Variants in COX10 observed in about 807,000 individuals in gnomAD.
COX10 encodes cytochrome c oxidase assembly factor heme A:farnesyltransferase COX10.
In COX10, 27 loss-of-function variants were observed where a neutral mutation model predicts 37.3. The observed-to-expected ratio is 0.72, with a 90% CI of 0.53 to 1.00. The LOEUF (loss-of-function observed/expected upper bound fraction) is 1.00, where lower values mean the gene tolerates loss of function less well. COX10 is among the 50% of genes least tolerant of loss of function. The pLI is 0.00. For missense variants in COX10, 475 were observed against 563.2 expected (o/e 0.84, Z 1.59); for synonymous variants, 222 against 229.1 (o/e 0.97, Z 0.28).
intron 4 of COX10, among the ~76,000 whole-genome samples, chr17:14,108,771 G>A (rs1405387970): frequency 6.6e-6 from 1 of 152,014 alleles, no homozygotes; most frequent in East Asian, 1.9e-4. Context: ...AGGAAAAACA[G>A]GTAAAGATTT....
chr17:14,129,100 C>T (rs1241681515), intron 4 of COX10, among the ~76,000 whole-genome samples: 1 of 151,358 alleles, frequency 6.6e-6, no homozygotes. Context: ...CCCGCCTTGG[C>T]CTCCCAAAGT....
chr17:14,112,043 G>A (rs537002042), intron 4 of COX10, among the ~76,000 whole-genome samples: 16 of 152,194 alleles, frequency 1.1e-4, no homozygotes, highest in African/African-American at 3.9e-4. Flanking sequence ...CTGATTGAGC[G>A]CGTGGCTGAA....
At position 14,102,381 on chromosome 17, in the gene COX10, T is replaced by C. The variant is rs574769830; in HGVS notation, c.624+139T>C. The C allele has an allele frequency of 1.4e-4, 191 of 1,319,082 alleles. 1 individual carries two copies. In the African/African-American group the frequency reaches 2.4e-3, roughly 17 times the overall value. The allele number at this position is 1,319,082 out of a possible 1,614,324, so 81.7% of individuals were successfully genotyped here. On this transcript the variant is annotated intron_variant, in intron 4 of 6. Transcript: ENST00000261643. ...ACACTATATATCCTATAGGAGCCTG[T>C]GGGTTTCATAACCAATTTGTCTTTT... is the stretch of plus-strand genomic sequence containing the variant.
At chr17:14,186,753 C>G (rs1449142221) in intron 5 of COX10, among the ~76,000 whole-genome samples, 1 of 152,026 alleles carries the variant, frequency 6.6e-6, no homozygotes, top group Admixed American at 6.5e-5. Flanking sequence ...CATCCCAACT[C>G]AAGACTCCAG....
intron 5 of COX10, among the ~76,000 whole-genome samples, chr17:14,166,785 CTTTTTTTTTTT>C (rs57127092): frequency 2.0e-5 from 2 of 100,260 alleles, no homozygotes; most frequent in South Asian, 7.3e-4. Flanking sequence ...CTATTTCTTT[CTTTTTTTTTTT>C]TTTTTTTTTT....
At chr17:14,105,562 T>C (rs1179431400) in intron 4 of COX10, among the ~76,000 whole-genome samples, 1 of 152,230 alleles carries the variant, frequency 6.6e-6, no homozygotes, top group Non-Finnish European at 1.5e-5. Context: ...GTATTCCTTC[T>C]ATTTCTATGT....
In COX10 at chr17:14,081,013, CTTGA is replaced by C. The variant is rs1455082548; in HGVS notation, c.499+3960_499+3963del. ...ATTATATTTCAGTGGAAGGAATAGGCTTGATTAAGAAAACTGCTGTGGTAGTACT... is the reference window on the plus strand; with the variant it reads ...ATTATATTTCAGTGGAAGGAATAGGCTTAAGAAAACTGCTGTGGTAGTACT... On this transcript the variant is annotated intron_variant, in intron 3 of 6. Coordinates refer to ENST00000261643, the MANE Select transcript of COX10 (RefSeq NM_001303.4). Among the ~76,000 whole-genome samples the C allele has an allele frequency of 2.0e-5, 3 of 152,072 alleles. No homozygotes were observed. The East Asian group carries it at 5.8e-4, about 29-fold the overall frequency.
chr17:14,071,102 T>C (rs1247899048), intron 1 of COX10, among the ~76,000 whole-genome samples: 1 of 152,244 alleles, frequency 6.6e-6, no homozygotes, highest in Admixed American at 6.5e-5. Context: ...GTGAATGTTC[T>C]TTGATCCTGA....
intron 1 of COX10, among the ~76,000 whole-genome samples, chr17:14,073,471 A>G (rs778942505): frequency 1.3e-5 from 2 of 152,246 alleles, no homozygotes; most frequent in Non-Finnish European, 2.9e-5. Context: ...CAATCCATCC[A>G]TATAGAGATA....
At chr17:14,175,465 T>A (rs560772694) in intron 5 of COX10, among the ~76,000 whole-genome samples, 85 of 151,824 alleles carry the variant, frequency 5.6e-4, no homozygotes, top group Admixed American at 3.0e-3. Context: ...GTTTGTGCCT[T>A]CCACCTCATA....
At chr17:14,081,938 G>A (rs1328214005) in intron 3 of COX10, among the ~76,000 whole-genome samples, 1 of 152,162 alleles carries the variant, frequency 6.6e-6, no homozygotes, top group Non-Finnish European at 1.5e-5. Context: ...AACATGATGA[G>A]TTCAATTTTG....
At chr17:14,140,600 T>G (rs1904510654) in intron 4 of COX10, among the ~76,000 whole-genome samples, 1 of 152,168 alleles carries the variant, frequency 6.6e-6, no homozygotes, top group Non-Finnish European at 1.5e-5. Context: ...ACATTTTTCC[T>G]TTTCATTCAT....
At chr17:14,101,981 C>A in intron 3 of COX10, 137 bp from the exon 4 acceptor site, 1 of 1,055,480 alleles carries the variant, frequency 9.5e-7, no homozygotes, top group South Asian at 1.4e-5. Flanking sequence ...TTTTTTAAGC[C>A]AAAGATCAGC....
At chr17:14,132,816 T>C in intron 4 of COX10, among the ~76,000 whole-genome samples, 1 of 151,728 alleles carries the variant, frequency 6.6e-6, no homozygotes, top group Non-Finnish European at 1.5e-5. Flanking sequence ...AAATACTTAT[T>C]TTCTGTTTAA....
chr17:14,102,113 C>CG lies in COX10; in HGVS notation c.500-4dup, dbSNP rs1567591442. 6.2e-7 allele frequency: 1 copy of CG among 1,613,486 alleles called. No homozygotes were observed. Among genetic ancestry groups the CG allele is most frequent in the South Asian group, 1.1e-5 (1 of 91,072 alleles). On this transcript the variant is annotated splice_polypyrimidine_tract_variant and splice_region_variant and intron_variant, in intron 3 of 6. Transcript: ENST00000261643. ...CAGTGTGTCTGCTCTGTTTCTGTAT[C>CG]GCAGCTCTGGTTGTAAGTACCACTG... is the stretch of plus-strand genomic sequence containing the variant.
chr17:14,153,473 G>GA (rs1904959114), intron 4 of COX10, among the ~76,000 whole-genome samples: 2 of 152,114 alleles, frequency 1.3e-5, no homozygotes, highest in Admixed American at 1.3e-4. Flanking sequence ...ATCAAAATAA[G>GA]AAAAAAGCAT....
intron 4 of COX10, among the ~76,000 whole-genome samples, chr17:14,115,633 C>T (rs867026292): frequency 1.3e-4 from 20 of 152,150 alleles, no homozygotes; most frequent in Admixed American, 2.6e-4. Context: ...TCAACCTAAG[C>T]GTCCATCAAT....
intron 5 of COX10, among the ~76,000 whole-genome samples, chr17:14,163,311 G>T (rs927486621): frequency 3.3e-5 from 5 of 151,822 alleles, no homozygotes; most frequent in African/African-American, 9.7e-5. Context: ...GCTAGAGTGA[G>T]TGGCGTGATC....
chr17:14,086,802 A>AATCTACCTTCTT (rs1430290838), intron 3 of COX10, among the ~76,000 whole-genome samples: 2 of 152,150 alleles, frequency 1.3e-5, no homozygotes, highest in Non-Finnish European at 2.9e-5. Flanking sequence ...AATACAATTA[A>AATCTACCTTCTT]ATCTACCTTC....
Sources: gnomAD v4.1 joint callset for allele counts (sites outside exome capture counted in the v4.1 genomes callset) on GRCh38, gnomAD v4.1.1 for gene constraint, MANE v1.5 for transcripts, NCBI Gene and HGNC (gene_info 2026-07-23, HGNC 2026-07-21) for gene names.